RPS6KC1: variants seen among roughly 807,000 people sequenced by gnomAD.
RPS6KC1 encodes inactive ribosomal protein S6 kinase delta-1.
A neutral mutation model predicts 103.8 loss-of-function variants in RPS6KC1; 54 were observed. The observed-to-expected ratio is 0.52, with a 90% CI of 0.42 to 0.65. The LOEUF (loss-of-function observed/expected upper bound fraction) is 0.65. Ranked by LOEUF, RPS6KC1 falls within the 30% of genes least tolerant of loss-of-function variation. The probability of loss-of-function intolerance (pLI) is 0.00; values close to 1 mark genes in which losing one functional copy is unlikely to be tolerated. For synonymous variants in RPS6KC1, 439 were observed against 438.7 expected (o/e 1.00, Z -0.01); for missense variants, 1,151 against 1,253.8 (o/e 0.92, Z 1.24).
the RPS6KC1 span, among the ~76,000 whole-genome samples, chr1:213,446,257 G>A: frequency 6.6e-6 from 1 of 152,200 alleles, no homozygotes; most frequent in Non-Finnish European, 1.5e-5. Context: ...ATCCAGGCAA[G>A]CCTTTGCCCA....
the RPS6KC1 span, among the ~76,000 whole-genome samples, chr1:213,370,661 A>G: frequency 1.3e-5 from 2 of 152,228 alleles, no homozygotes; most frequent in African/African-American, 2.4e-5. Flanking sequence ...TATTAGTCCC[A>G]TTCAATAGAT....
the RPS6KC1 span, among the ~76,000 whole-genome samples, chr1:213,779,263 C>A: frequency 6.6e-6 from 1 of 152,096 alleles, no homozygotes; most frequent in Non-Finnish European, 1.5e-5. Context: ...CAACTGAACA[C>A]CTGGAGGAAA....
chr1:213,815,877 C>T, the RPS6KC1 span, among the ~76,000 whole-genome samples: 1 of 152,206 alleles, frequency 6.6e-6, no homozygotes, highest in African/African-American at 2.4e-5. Context: ...GCCTTCCTCA[C>T]TAAGCTTAAT....
chr1:213,254,338 TAA>T (rs977369943), intron 12 of RPS6KC1, among the ~76,000 whole-genome samples: 8 of 152,218 alleles, frequency 5.3e-5, no homozygotes, highest in Non-Finnish European at 1.2e-4. Flanking sequence ...TCCATTACAT[TAA>T]AAGATGATAA....
the RPS6KC1 span, among the ~76,000 whole-genome samples, chr1:213,692,403 AT>A: frequency 1.0e-4 from 15 of 147,612 alleles, no homozygotes; most frequent in African/African-American, 3.3e-4. Flanking sequence ...AAAAAAAAAA[AT>A]AAATAAAGTT....
chr1:213,117,546 A>C, intron 5 of RPS6KC1, 136 bp downstream of exon 5: 1 of 526,258 alleles, frequency 1.9e-6, no homozygotes, highest in Non-Finnish European at 3.3e-6. Flanking sequence ...TTTTTTCTTT[A>C]CATTTTATTA....
the RPS6KC1 span, among the ~76,000 whole-genome samples, chr1:213,676,784 A>G: frequency 6.6e-6 from 1 of 152,250 alleles, no homozygotes; most frequent in Non-Finnish European, 1.5e-5. Flanking sequence ...ACCTCCTTGT[A>G]TACCTGCTCA....
the RPS6KC1 span, among the ~76,000 whole-genome samples, chr1:213,468,674 A>C: frequency 6.6e-6 from 1 of 152,212 alleles, no homozygotes; most frequent in Admixed American, 6.5e-5. Flanking sequence ...ATCCAGATCA[A>C]TACATTGAGT....
chr1:213,105,912 G>A (rs1218565878), intron 4 of RPS6KC1, among the ~76,000 whole-genome samples: 1 of 152,116 alleles, frequency 6.6e-6, no homozygotes, highest in Non-Finnish European at 1.5e-5. Flanking sequence ...AAGCTGTCAT[G>A]CAAATTACCA....
Position 213,241,839 on chromosome 1 carries a change from A to T in RPS6KC1, c.2363A>T (p.Asp788Val). Reference sequence around the variant, plus strand: ...GCTGTTGATCATAGTAGTTCAGGAGATATGTCTTTGTTACCCAGCTCAGAT... The same window carrying T: ...GCTGTTGATCATAGTAGTTCAGGAGTTATGTCTTTGTTACCCAGCTCAGAT... ...VAAVDHSSSGDMSLLPSSDPK... is the reference protein window; with the variant it reads ...VAAVDHSSSGVMSLLPSSDPK... Residue 788 changes from aspartate to valine, a missense_variant, in exon 11 of 15, where the codon GAT (aspartate) becomes GTT (valine). This residue lies in a region of RPS6KC1 where 959 missense variants were observed against 1,006.3 expected (regional missense o/e 0.95). Transcript: ENST00000366960. The T allele has an allele frequency of 6.2e-7, 1 of 1,613,972 alleles. No individual in the cohort carries two copies. Among genetic ancestry groups the T allele is most frequent in the Non-Finnish European group, 8.5e-7 (1 of 1,179,928 alleles).
chr1:213,491,221 T>G, the RPS6KC1 span, among the ~76,000 whole-genome samples: 1 of 152,092 alleles, frequency 6.6e-6, no homozygotes, highest in Non-Finnish European at 1.5e-5. Context: ...AGTAAGTTAT[T>G]AGGCTGGTAG....
At chr1:213,291,975 T>G in the RPS6KC1 span, among the ~76,000 whole-genome samples, 1 of 152,142 alleles carries the variant, frequency 6.6e-6, no homozygotes, top group Non-Finnish European at 1.5e-5. Flanking sequence ...GGCTAGCCAG[T>G]TTTTCCAGCA....
chr1:213,152,407 G>T (rs1428353342), intron 6 of RPS6KC1, among the ~76,000 whole-genome samples: 2 of 151,408 alleles, frequency 1.3e-5, no homozygotes, highest in African/African-American at 4.8e-5. Context: ...CCCGGACGGG[G>T]TGGCTGCCGG....
intron 12 of RPS6KC1, among the ~76,000 whole-genome samples, chr1:213,256,174 C>T (rs1426393738): frequency 6.6e-6 from 1 of 152,184 alleles, no homozygotes; most frequent in Non-Finnish European, 1.5e-5. Context: ...CCAGCAGTGT[C>T]TTTAGGCCTA....
At chr1:213,297,538 T>A in the RPS6KC1 span, among the ~76,000 whole-genome samples, 1 of 152,174 alleles carries the variant, frequency 6.6e-6, no homozygotes, top group Non-Finnish European at 1.5e-5. Flanking sequence ...GTCCACATGA[T>A]GGAAGGAACT....
chr1:213,765,263 AG>A, the RPS6KC1 span, among the ~76,000 whole-genome samples: 1 of 152,194 alleles, frequency 6.6e-6, no homozygotes, highest in African/African-American at 2.4e-5. Flanking sequence ...AGATGTAGGG[AG>A]AGATGGAGAC....
intron 2 of RPS6KC1, among the ~76,000 whole-genome samples, chr1:213,072,537 G>C (rs1226936428): frequency 6.8e-6 from 1 of 147,312 alleles, no homozygotes; most frequent in Non-Finnish European, 1.5e-5. Context: ...AACAGAGTGA[G>C]ACTCTGTCTC....
chr1:213,550,791 C>A, the RPS6KC1 span, among the ~76,000 whole-genome samples: 1 of 152,110 alleles, frequency 6.6e-6, no homozygotes, highest in Non-Finnish European at 1.5e-5. Flanking sequence ...TCTGGGAAAC[C>A]GGAAAAAGCA....
chr1:213,600,177 C>T, the RPS6KC1 span, among the ~76,000 whole-genome samples: 1 of 152,150 alleles, frequency 6.6e-6, no homozygotes, highest in Non-Finnish European at 1.5e-5. Flanking sequence ...TTCCTGAGGC[C>T]TCCCCAGCCA....
Sources: allele counts gnomAD v4.1 joint callset (sites outside exome capture counted in the v4.1 genomes callset), GRCh38; gene constraint gnomAD v4.1.1; regional missense constraint gnomAD v4.1.1; transcripts MANE v1.5; gene names NCBI Gene and HGNC (gene_info 2026-07-23, HGNC 2026-07-21).